ENOX1: variants seen among roughly 807,000 people sequenced by gnomAD.
The protein encoded by ENOX1 is ecto-NOX disulfide-thiol exchanger 1.
Under a neutral mutation model 82.5 loss-of-function variants are expected in ENOX1, and 42 were observed. The observed-to-expected ratio is 0.51, with a 90% CI of 0.40 to 0.66. The LOEUF is 0.66. ENOX1 is among the 30% of genes least tolerant of loss of function. ENOX1 has a pLI of 0.00. For synonymous variants in ENOX1, 271 were observed against 282.2 expected (o/e 0.96, Z 0.40); for missense variants, 608 against 811.6 (o/e 0.75, Z 3.05).
At chr13:43,618,977 ATTTTTTT>A (rs56048836) in intron 2 of ENOX1, among the ~76,000 whole-genome samples, 1 of 116,964 alleles carries the variant, frequency 8.5e-6, no homozygotes, top group African/African-American at 3.2e-5. Context: ...ATAGTCCTAA[ATTTTTTT>A]TTTTTTTTTT....
chr13:43,350,151 G>A (rs367607086), intron 8 of ENOX1, among the ~76,000 whole-genome samples: 9 of 152,180 alleles, frequency 5.9e-5, no homozygotes, highest in African/African-American at 2.2e-4. Flanking sequence ...ATTAATTTTT[G>A]TTCAGTAGAA....
intron 2 of ENOX1, among the ~76,000 whole-genome samples, chr13:43,610,326 T>C (rs553887697): frequency 6.6e-6 from 1 of 152,204 alleles, no homozygotes; most frequent in Non-Finnish European, 1.5e-5. Context: ...TGTATTCAAC[T>C]GTGTATGCTT....
chr13:43,362,909 A>G (rs2050621747), intron 5 of ENOX1, among the ~76,000 whole-genome samples: 1 of 146,386 alleles, frequency 6.8e-6, no homozygotes, highest in African/African-American at 2.7e-5. Context: ...GACTTCAGTA[A>G]AAGGAGGATT....
intron 2 of ENOX1, among the ~76,000 whole-genome samples, chr13:43,635,371 A>G (rs1205435340): frequency 6.6e-6 from 1 of 152,234 alleles, no homozygotes; most frequent in African/African-American, 2.4e-5. Flanking sequence ...TCTACTGATG[A>G]GCATTTCTTT....
At chr13:43,508,931 T>A (rs534467824) in intron 2 of ENOX1, among the ~76,000 whole-genome samples, 3 of 152,156 alleles carry the variant, frequency 2.0e-5, no homozygotes, top group Non-Finnish European at 4.4e-5. Context: ...TATATATGCA[T>A]TTATTGATCA....
chr13:43,288,261 T>C (rs1252042465), intron 12 of ENOX1, among the ~76,000 whole-genome samples: 2 of 152,218 alleles, frequency 1.3e-5, no homozygotes, highest in African/African-American at 4.8e-5. Flanking sequence ...GAGATGTACA[T>C]GTTTTAAGAT....
At chr13:43,489,980 G>T (rs550337901) in intron 2 of ENOX1, among the ~76,000 whole-genome samples, 1 of 152,050 alleles carries the variant, frequency 6.6e-6, no homozygotes, top group African/African-American at 2.4e-5. Context: ...GCTCTGTCAC[G>T]CAGGCTGGAA....
At chr13:43,230,610 A>G (rs1380568658) in intron 15 of ENOX1, among the ~76,000 whole-genome samples, 1 of 152,156 alleles carries the variant, frequency 6.6e-6, no homozygotes, top group East Asian at 1.9e-4. Context: ...AATTTTATGC[A>G]GTATGAGGGC....
At chr13:43,281,206 A>G (rs1055198842) in intron 12 of ENOX1, among the ~76,000 whole-genome samples, 1 of 148,674 alleles carries the variant, frequency 6.7e-6, no homozygotes. Context: ...AAAAATAATA[A>G]TAATAGCAGC....
intron 2 of ENOX1, among the ~76,000 whole-genome samples, chr13:43,541,173 GTTTTTTTTTT>G (rs553504525): frequency 0.013 from 870 of 64,584 alleles, 73 homozygotes; most frequent in Admixed American, 0.12. Flanking sequence ...TCTTCCCTCT[GTTTTTTTTTT>G]TTTTTTTTTT....
At chr13:43,554,608 A>C (rs143027498) in intron 2 of ENOX1, among the ~76,000 whole-genome samples, 4,960 of 152,118 alleles carry the variant, frequency 0.033, 266 homozygotes, top group African/African-American at 0.11. Context: ...ACAGGGTCTC[A>C]CTCTGTCACC....
chr13:43,359,685 C>A, intron 7 of ENOX1, 166 bp downstream of exon 7: 1 of 636,056 alleles, frequency 1.6e-6, no homozygotes. Flanking sequence ...CCTTCACAGG[C>A]TTAGCGCAGA....
intron 5 of ENOX1, among the ~76,000 whole-genome samples, chr13:43,409,138 A>G (rs2053971765): frequency 1.3e-5 from 2 of 152,070 alleles, no homozygotes; most frequent in African/African-American, 4.8e-5. Context: ...TAGAAAATGA[A>G]GGAGAATAAG....
chr13:43,410,076 T>C (rs1458643802), intron 5 of ENOX1, among the ~76,000 whole-genome samples: 1 of 152,222 alleles, frequency 6.6e-6, no homozygotes, highest in Admixed American at 6.5e-5. Context: ...ATTCTTTTCA[T>C]GGCAAGTTGC....
chr13:43,433,858 T>C (rs1218418186), intron 3 of ENOX1, among the ~76,000 whole-genome samples: 1 of 152,222 alleles, frequency 6.6e-6, no homozygotes, highest in Non-Finnish European at 1.5e-5. Flanking sequence ...TGACCTTTAA[T>C]ATATTTTCAT....
chr13:43,414,358 C>G (rs984909067), intron 3 of ENOX1, among the ~76,000 whole-genome samples: 1 of 152,144 alleles, frequency 6.6e-6, no homozygotes, highest in African/African-American at 2.4e-5. Flanking sequence ...CATCATCCAA[C>G]AGTGAATGAT....
intron 11 of ENOX1, chr13:43,321,006 C>T (rs1054409011): frequency 2.4e-5 from 11 of 455,588 alleles, no homozygotes; most frequent in Non-Finnish European, 4.9e-5. Flanking sequence ...AGGAGACATA[C>T]ATCATTGACA....
chr13:43,258,880 T>G (rs2043900136), intron 14 of ENOX1, among the ~76,000 whole-genome samples: 1 of 152,174 alleles, frequency 6.6e-6, no homozygotes, highest in South Asian at 2.1e-4. Flanking sequence ...TCATTCCCAC[T>G]GTGATACTGA....
chr13:43,570,530 T>A (rs913553725), intron 2 of ENOX1, among the ~76,000 whole-genome samples: 7 of 152,064 alleles, frequency 4.6e-5, no homozygotes, highest in African/African-American at 1.7e-4. Flanking sequence ...GGGGTATCGA[T>A]CATGTTAGCA....
Sources: allele counts gnomAD v4.1 joint callset (sites outside exome capture counted in the v4.1 genomes callset), GRCh38; gene constraint gnomAD v4.1.1; transcripts MANE v1.5; gene names NCBI Gene and HGNC (gene_info 2026-07-23, HGNC 2026-07-21).